The following RAF1 variants were observed in gnomAD, a reference collection of about 807,000 sequenced individuals.
RAF1 encodes RAF proto-oncogene serine/threonine-protein kinase.
A neutral mutation model predicts 81.1 loss-of-function variants in RAF1; 27 were observed. The observed-to-expected ratio is 0.33, with a 90% CI of 0.25 to 0.46. RAF1 has a LOEUF of 0.46. RAF1 is among the 20% of genes least tolerant of loss of function. The probability of loss-of-function intolerance (pLI) is 1.00; values close to 1 mark genes in which losing one functional copy is unlikely to be tolerated. For missense variants in RAF1, 598 were observed against 826.0 expected, an observed-to-expected ratio of 0.72 and a Z score of 3.38; for synonymous variants, 298 against 294.0, an observed-to-expected ratio of 1.01 and a Z score of -0.14.
intron 1 of RAF1, among the ~76,000 whole-genome samples, chr3:12,662,608 C>T (rs1053998821): frequency 1.1e-4 from 17 of 151,948 alleles, no homozygotes; most frequent in African/African-American, 4.1e-4. Context: ...TCACCATTTC[C>T]TTCCTGCACC....
chr3:12,585,321 G>C (rs2058297020), intron 15 of RAF1, 68 bp from the exon 15 acceptor site: 29 of 1,604,892 alleles, frequency 1.8e-5, no homozygotes, highest in Non-Finnish European at 2.5e-5. Flanking sequence ...ACATCTAGGG[G>C]CCAGGCTGTC....
intron 1 of RAF1, among the ~76,000 whole-genome samples, chr3:12,635,318 CAAAAAAAAAAAAAAAAA>C (rs71063852): frequency 2.5e-4 from 7 of 27,638 alleles, no homozygotes; most frequent in East Asian, 1.3e-3. Context: ...GACCCTGTCT[CAAAAAAAAAAAAAAAAA>C]AAAAAAAAAA....
intron 15 of RAF1, 189 bp downstream of exon 14, chr3:12,585,492 C>G (rs2058303018): frequency 2.1e-6 from 2 of 948,610 alleles, no homozygotes; most frequent in African/African-American, 1.8e-5. Context: ...CCTCTCCACA[C>G]TAAGCTTCAC....
At chr3:12,640,926 TGG>T in intron 1 of RAF1, among the ~76,000 whole-genome samples, 1 of 152,066 alleles carries the variant, frequency 6.6e-6, no homozygotes, top group Non-Finnish European at 1.5e-5. Flanking sequence ...ATGTTTATTG[TGG>T]TACTATTCAC....
At chr3:12,658,993 T>C (rs2060787494) in intron 1 of RAF1, among the ~76,000 whole-genome samples, 2 of 152,298 alleles carry the variant, frequency 1.3e-5, no homozygotes, top group Admixed American at 6.5e-5. Context: ...ACTAAAATCA[T>C]TTAGAGCTAC....
chr3:12,601,765 T>A (rs891501628), intron 8 of RAF1, among the ~76,000 whole-genome samples: 2 of 152,140 alleles, frequency 1.3e-5, no homozygotes, highest in Admixed American at 6.5e-5. Context: ...TAGTTCTGGT[T>A]CCCAAAACTA....
intron 1 of RAF1, among the ~76,000 whole-genome samples, chr3:12,637,461 C>T (rs750497881): frequency 3.3e-5 from 5 of 151,396 alleles, no homozygotes; most frequent in Non-Finnish European, 5.9e-5. Context: ...GACAGGGTTT[C>T]GACACGTTGA....
chr3:12,591,910 T>TA, intron 11 of RAF1, 118 bp from the exon 11 acceptor site: 1 of 822,886 alleles, frequency 1.2e-6, no homozygotes, highest in East Asian at 2.6e-5. Context: ...CCTACACAGA[T>TA]ACGGCAAATT....
Position 12,612,055 on chromosome 3 carries a change from A to G in RAF1, c.215T>C (p.Val72Ala), listed in dbSNP as rs758426331. 2 of 1,613,952 alleles carry G rather than the reference A, an allele frequency of 1.2e-6. No homozygotes were observed. The highest frequency in any genetic ancestry group is 2.2e-5 in the South Asian group (2 of 91,086). The change falls in exon 3 of 18, where the codon GTG becomes GCG. Residue 72 changes from valine (V) to alanine (A), a missense_variant. Physicochemically the swap from Val to Ala is moderately conservative, Grantham distance 64 (BLOSUM62 0). This residue lies in a region of RAF1 where 89 missense variants were observed against 169.2 expected (regional missense o/e 0.53). Transcript: ENST00000442415. ...GTCATGCAAGCTCATTCCATTTCGC[A>G]CATTGACCTACAAACAAAGGACCAC...
At chr3:12,637,933 A>AT (rs1170245641) in intron 1 of RAF1, among the ~76,000 whole-genome samples, 4 of 152,068 alleles carry the variant, frequency 2.6e-5, no homozygotes, top group African/African-American at 9.7e-5. Flanking sequence ...TAGCACTCGA[A>AT]TTCTTTAACT....
chr3:12,638,469 T>C (rs1575641998), intron 1 of RAF1, among the ~76,000 whole-genome samples: 1 of 152,194 alleles, frequency 6.6e-6, no homozygotes, highest in Non-Finnish European at 1.5e-5. Flanking sequence ...TAACAGTTCA[T>C]CAAACAAGTC....
At chr3:12,585,357 A>C in intron 15 of RAF1, 104 bp from the exon 15 acceptor site, 1 of 1,570,884 alleles carries the variant, frequency 6.4e-7, no homozygotes, top group Non-Finnish European at 8.6e-7. Flanking sequence ...GAATGAGTCC[A>C]TTCTTCAGTC....
chr3:12,593,278 A>G (rs1231963184), intron 11 of RAF1, among the ~76,000 whole-genome samples: 7 of 151,566 alleles, frequency 4.6e-5, no homozygotes, highest in African/African-American at 1.7e-4. Context: ...ATGGGGTTTC[A>G]CCATGTTGCC....
chr3:12,600,189 C>T lies in RAF1; in HGVS notation c.1013G>A (p.Arg338Gln), dbSNP rs757937109. Reference sequence around the variant, plus strand: ...CTCCTGGGTCCCAGATACTGGTGCCCGCTCTCTTTGTGCTGGCACGGGGGT... The same window carrying T: ...CTCCTGGGTCCCAGATACTGGTGCCTGCTCTCTTTGTGCTGGCACGGGGGT... The change falls in exon 10 of 18, where the codon CGG becomes CAG. Residue 338 changes from arginine (R) to glutamine (Q), a missense_variant. This residue lies in a region of RAF1 where 194 missense variants were observed against 202.7 expected (regional missense o/e 0.96). Transcript: ENST00000442415. 56 of 1,614,022 alleles carry T rather than the reference C, an allele frequency of 3.5e-5. No individual in the cohort carries two copies. Among genetic ancestry groups the T allele is most frequent in the Non-Finnish European group, 3.5e-5 (41 of 1,180,030 alleles).
Position 12,654,348 on chromosome 3 carries a change from T to A in RAF1, c.-27+9465A>T, listed in dbSNP as rs143357590. 9.9e-3 allele frequency among the ~76,000 whole-genome samples: 1,502 copies of A among 151,648 alleles called. 17 individuals are homozygous for A. The highest frequency in any genetic ancestry group is 0.013 in the Non-Finnish European group (882 of 67,910). Reference sequence around the variant, plus strand: ...CAGGCACAGTGGCTCATGCCTATAATCCCAGCATTTTGGGAGGCCAAGGCG... The same window carrying A: ...CAGGCACAGTGGCTCATGCCTATAAACCCAGCATTTTGGGAGGCCAAGGCG... On this transcript the variant is annotated intron_variant, in intron 1 of 17. Transcript: ENST00000442415.
chr3:12,650,657 A>G (rs1055288754), intron 1 of RAF1, among the ~76,000 whole-genome samples: 5 of 152,210 alleles, frequency 3.3e-5, no homozygotes, highest in African/African-American at 1.2e-4. Context: ...AGCTGCTTTG[A>G]GGAATATAAA....
chr3:12,635,654 AAAAAAAG>A (rs1290536601), intron 1 of RAF1, among the ~76,000 whole-genome samples: 2 of 149,932 alleles, frequency 1.3e-5, no homozygotes, highest in Non-Finnish European at 3.0e-5. Flanking sequence ...AAAAAAAAAA[AAAAAAAG>A]AGAGAGAGAG....
Position 12,600,208 on chromosome 3 carries a change from C to T in RAF1, c.994G>A (p.Val332Met), listed in dbSNP as rs555034652. Residue 332 changes from valine to methionine, a missense_variant, in exon 10 of 18, where the codon GTG becomes ATG. Around this residue, in one of 5 missense-constraint regions of RAF1, gnomAD observed 194 missense variants for 202.7 expected, o/e 0.96. Coordinates refer to ENST00000442415, the MANE Select transcript of RAF1 (RefSeq NM_001354689.3). ...GGTGCCCGCTCTCTTTGTGCTGGCA[C>T]GGGGGTTTTCGGCTGTGACCAGCCT... 53 of 1,614,122 alleles carry T rather than the reference C, an allele frequency of 3.3e-5. 1 individual carries two copies. The highest frequency in any genetic ancestry group is 2.5e-4 in the South Asian group (23 of 91,086).
At position 12,603,506 on chromosome 3, in the gene RAF1, C is replaced by T. The variant is rs1397027886; in HGVS notation, c.866G>A (p.Trp289Ter). Residue 289 changes from tryptophan to a stop codon, truncating the protein, a stop_gained, in exon 8 of 18, where the codon TGG becomes TAG. Transcript: ENST00000442415. LOFTEE classifies it high-confidence loss of function. ...TCCCCTCAAACAAAATCGTCTGGACCACGCCCTGGGAGAAGCACTCAGGTT... is the reference window on the plus strand; with the variant it reads ...TCCCCTCAAACAAAATCGTCTGGACTACGCCCTGGGAGAAGCACTCAGGTT... The T allele has an allele frequency of 5.7e-6, 4 of 701,146 alleles. No homozygotes were observed. The Admixed American group carries it at 8.0e-5, about 14-fold the overall frequency. 43.4% of individuals were successfully genotyped at this position (701,146 alleles called of 1,614,324 possible). A position where few individuals can be genotyped will look rare whatever the true frequency, so the allele number is the denominator to read the frequency against.
Sources: allele counts gnomAD v4.1 joint callset (sites outside exome capture counted in the v4.1 genomes callset), GRCh38; gene constraint gnomAD v4.1.1; regional missense constraint gnomAD v4.1.1; transcripts MANE v1.5; gene names NCBI Gene and HGNC (gene_info 2026-07-23, HGNC 2026-07-21).